HEXB: variants seen among roughly 807,000 people sequenced by gnomAD.
HEXB encodes hexosaminidase subunit beta.
A neutral mutation model predicts 71.2 loss-of-function variants in HEXB; 51 were observed. That is an observed-to-expected ratio of 0.72 (90% confidence interval 0.57 to 0.90). HEXB has a LOEUF of 0.90. HEXB is among the 40% of genes least tolerant of loss of function. HEXB has a pLI of 0.00. For synonymous variants in HEXB, 266 were observed against 249.3 expected (o/e 1.07, Z -0.63); for missense variants, 617 against 677.0 (o/e 0.91, Z 0.98).
chr5:74,704,417 A>G (rs1352262597), intron 5 of HEXB, among the ~76,000 whole-genome samples: 3 of 151,996 alleles, frequency 2.0e-5, no homozygotes, highest in Non-Finnish European at 2.9e-5. Flanking sequence ...TAAATATTAT[A>G]TTGGTTATTC....
At chr5:74,714,180 G>C (rs1051840026) in intron 7 of HEXB, among the ~76,000 whole-genome samples, 3 of 152,048 alleles carry the variant, frequency 2.0e-5, no homozygotes, top group African/African-American at 7.2e-5. Context: ...TTGAGGTATT[G>C]CATTTCTTAT....
chr5:74,670,346 G>A (rs1019559561), intron 1 of HEXB, among the ~76,000 whole-genome samples: 3 of 151,758 alleles, frequency 2.0e-5, no homozygotes, highest in Non-Finnish European at 2.9e-5. Context: ...AACTTCAGGC[G>A]GGGGACCACC....
At chr5:74,681,753 A>G (rs187085078), upstream of HEXB, among the ~76,000 whole-genome samples, 4 of 152,326 alleles carry the variant, frequency 2.6e-5, no homozygotes, top group East Asian at 5.8e-4. Context: ...CTAAATGCCC[A>G]CAGTCATTCC....
chr5:74,681,455 TG>T (rs1561212019), upstream of HEXB, among the ~76,000 whole-genome samples: 5 of 152,156 alleles, frequency 3.3e-5, no homozygotes, highest in African/African-American at 1.2e-4. Flanking sequence ...CTGGGTGTAT[TG>T]GTATAGGCCT....
At chr5:74,656,956 C>G (rs1237575491) in intron 1 of HEXB, among the ~76,000 whole-genome samples, 1 of 152,158 alleles carries the variant, frequency 6.6e-6, no homozygotes, top group Non-Finnish European at 1.5e-5. Flanking sequence ...GTAACAGCCC[C>G]CCTTGCTGCT....
intron 1 of HEXB, among the ~76,000 whole-genome samples, chr5:74,667,389 A>T (rs1169964864): frequency 6.6e-6 from 1 of 152,058 alleles, no homozygotes; most frequent in Non-Finnish European, 1.5e-5. Context: ...ATTGCACTCC[A>T]GCCTGGATGA....
intron 3 of HEXB, among the ~76,000 whole-genome samples, chr5:74,694,416 T>G (rs959746274): frequency 1.1e-4 from 16 of 152,148 alleles, no homozygotes; most frequent in Admixed American, 1.0e-3. Context: ...ATAACTAAGT[T>G]TGTATAAGGA....
At chr5:74,659,284 A>G (rs1203288367) in intron 1 of HEXB, among the ~76,000 whole-genome samples, 2 of 152,182 alleles carry the variant, frequency 1.3e-5, no homozygotes, top group East Asian at 3.9e-4. Flanking sequence ...AGAACAGAAC[A>G]TGCAGTGCCT....
intron 1 of HEXB, among the ~76,000 whole-genome samples, chr5:74,676,045 A>G (rs1034243395): frequency 5.9e-5 from 9 of 152,250 alleles, no homozygotes; most frequent in Admixed American, 3.3e-4. Flanking sequence ...TCTAAGTGGA[A>G]AGCCCCAATA....
At chr5:74,662,141 G>A (rs75647837) in intron 1 of HEXB, among the ~76,000 whole-genome samples, 2,440 of 151,864 alleles carry the variant, frequency 0.016, 31 homozygotes, top group Middle Eastern at 0.027. Context: ...CCATACCCCA[G>A]AGAAAACCAC....
Position 74,715,522 on chromosome 5 carries a change from T to C in HEXB, c.914T>C (p.Leu305Pro), listed in dbSNP as rs1252744810. ...TLSWGKGQKDLLTPCYSRQNK... is the reference protein window; with the variant it reads ...TLSWGKGQKDPLTPCYSRQNK... ...TATTTTCTTCTAGGTCAGAAAGACC[T>C]CCTGACTCCATGTTACAGTAGACAA... The change falls in exon 8 of 14, where the codon CTC becomes CCC. Residue 305 changes from leucine (L) to proline (P), a missense_variant. Leu to Pro is a moderately conservative substitution (Grantham distance 98, BLOSUM62 -3). Coordinates refer to ENST00000261416, the MANE Select transcript of HEXB (RefSeq NM_000521.4). 1.9e-6 allele frequency: 3 copies of C among 1,609,870 alleles called. No individual in the cohort carries two copies. The highest frequency in any genetic ancestry group is 2.6e-6 in the Non-Finnish European group (3 of 1,176,326).
chr5:74,685,144 G>T (rs899362316), upstream of HEXB: 9 of 1,117,258 alleles, frequency 8.1e-6, no homozygotes, highest in South Asian at 1.6e-4. Flanking sequence ...GCGGGCGCGC[G>T]CAGTCATCTG....
At chr5:74,657,787 T>A (rs986776683) in intron 1 of HEXB, among the ~76,000 whole-genome samples, 2 of 152,260 alleles carry the variant, frequency 1.3e-5, no homozygotes, top group Middle Eastern at 3.2e-3. Context: ...CTCCTTTTGC[T>A]GCTGTTGTGG....
chr5:74,650,609 G>A lies in HEXB; in HGVS notation c.-377+10051G>A, dbSNP rs137854948. Among the ~76,000 whole-genome samples the A allele has an allele frequency of 8.9e-4, 136 of 152,072 alleles. 3 individuals are homozygous for A. The highest frequency in any genetic ancestry group is 2.8e-3 in the African/African-American group (117 of 41,480). On this transcript the variant is annotated intron_variant, in intron 1 of 13. Coordinates refer to the HEXB transcript ENST00000511181. The stretch of plus-strand genomic sequence containing the variant: ...CTCCATGTGTAGTTACTACTTTGCC[G>A]AATATGAGGAAGTTTTAAAAGTCAA...
Position 74,715,624 on chromosome 5 carries a change from A to G in HEXB, c.1016A>G (p.Glu339Gly), listed in dbSNP as rs1275697152. The change falls in exon 8 of 14, where the codon GAA (glutamate) becomes GGA (glycine). Residue 339 changes from glutamate (E) to glycine (G), a missense_variant. By Grantham distance (98) the Glu-to-Gly change is moderately conservative. Coordinates refer to ENST00000261416, the MANE Select transcript of HEXB (RefSeq NM_000521.4). The part of the protein sequence containing the change: ...TYSFLTTFFK[E>G]ISEVFPDQFI... Reference sequence around the variant, plus strand: ...AGCTTCCTTACTACATTTTTCAAAGAAATTAGTGAGGTGTTTCCAGATCAA... The same window carrying G: ...AGCTTCCTTACTACATTTTTCAAAGGAATTAGTGAGGTGTTTCCAGATCAA... 6.2e-7 allele frequency: 1 copy of G among 1,611,198 alleles called. No homozygotes were observed. The highest frequency in any genetic ancestry group is 1.1e-5 in the South Asian group (1 of 90,928).
intron 1 of HEXB, 52 bp from the exon 2 acceptor site, chr5:74,689,274 TAA>T: frequency 6.9e-7 from 1 of 1,451,024 alleles, no homozygotes; most frequent in Non-Finnish European, 9.7e-7. Context: ...ACATCTGTTT[TAA>T]AAATTTGGCT....
At chr5:74,714,628 A>T (rs1399377927) in intron 7 of HEXB, among the ~76,000 whole-genome samples, 1 of 152,186 alleles carries the variant, frequency 6.6e-6, no homozygotes, top group African/African-American at 2.4e-5. Context: ...GCCATTATAA[A>T]CTAGGTGACC....
intron 1 of HEXB, among the ~76,000 whole-genome samples, chr5:74,663,863 T>C (rs1748377887): frequency 6.6e-6 from 1 of 151,960 alleles, no homozygotes; most frequent in Non-Finnish European, 1.5e-5. Context: ...TGGGGGCTCA[T>C]GCCTGTAATC....
chr5:74,691,300 T>C (rs1748998467), intron 2 of HEXB, among the ~76,000 whole-genome samples: 1 of 152,134 alleles, frequency 6.6e-6, no homozygotes, highest in East Asian at 1.9e-4. Context: ...TTATTAAAAA[T>C]AAAAATATGC....
Sources: gnomAD v4.1 joint callset for allele counts (sites outside exome capture counted in the v4.1 genomes callset) on GRCh38, gnomAD v4.1.1 for gene constraint, MANE v1.5 for transcripts, NCBI Gene and HGNC (gene_info 2026-07-23, HGNC 2026-07-21) for gene names.